Variants in CACNB2 observed in about 807,000 individuals in gnomAD.
CACNB2 encodes calcium voltage-gated channel auxiliary subunit beta 2.
In CACNB2, 42 loss-of-function variants were observed where a neutral mutation model predicts 73.3. The observed-to-expected ratio is 0.57, with a 90% confidence interval of 0.45 to 0.74. The LOEUF is 0.74. Among genes scored for constraint, CACNB2 ranks in the 30% least tolerant of loss-of-function variants. CACNB2 has a pLI of 0.00. For synonymous variants in CACNB2, 348 were observed against 310.3 expected (o/e 1.12, Z -1.28); for missense variants, 940 against 853.0 (o/e 1.10, Z -1.27).
At chr10:18,353,684 T>C (rs923911319) in intron 2 of CACNB2, among the ~76,000 whole-genome samples, 2 of 152,200 alleles carry the variant, frequency 1.3e-5, no homozygotes, top group African/African-American at 4.8e-5. Context: ...TTATGAACTA[T>C]TAGCATTTCT....
Position 18,534,213 on chromosome 10 carries a change from A to C in CACNB2, c.1192A>C (p.Ile398Leu). ...GGCCCCTATTATAGTATATGTAAAG[A>C]TTTCTTCTCCTAAGGTAAGTAGGAC... ...SLAPIIVYVK[I>L]SSPKVLQRLI... Residue 398 changes from isoleucine to leucine, a missense_variant, in exon 11 of 14, where the codon ATT (isoleucine) becomes CTT (leucine). Ile to Leu is a conservative substitution (Grantham distance 5). Transcript: ENST00000324631. 1 of 1,613,314 alleles carries C rather than the reference A, an allele frequency of 6.2e-7. No individual in the cohort carries two copies. The highest frequency in any genetic ancestry group is 8.5e-7 in the Non-Finnish European group (1 of 1,179,282).
chr10:18,498,694 T>C (rs751010796), intron 4 of CACNB2: 1 of 531,392 alleles, frequency 1.9e-6, no homozygotes, highest in Non-Finnish European at 3.4e-6. Flanking sequence ...ACTTCAGCGC[T>C]CCCTGGGGCT....
At chr10:18,331,457 T>TAAAA (rs559677087) in intron 2 of CACNB2, among the ~76,000 whole-genome samples, 3 of 138,460 alleles carry the variant, frequency 2.2e-5, no homozygotes, top group African/African-American at 5.3e-5. Flanking sequence ...GCATCTCATT[T>TAAAA]AAAAAAAAAA....
At chr10:18,396,773 ATT>A (rs943403711) in intron 2 of CACNB2, among the ~76,000 whole-genome samples, 1 of 151,996 alleles carries the variant, frequency 6.6e-6, no homozygotes, top group Non-Finnish European at 1.5e-5. Flanking sequence ...GCCTGGCCCC[ATT>A]TTGCTTTATT....
At chr10:18,531,085 T>C (rs563384899) in intron 10 of CACNB2, among the ~76,000 whole-genome samples, 281 of 152,344 alleles carry the variant, frequency 1.8e-3, no homozygotes, top group Middle Eastern at 6.8e-3. Context: ...ATTACACATA[T>C]GGCATTAAAT....
At chr10:18,175,098 G>C (rs1001575879) in intron 2 of CACNB2, among the ~76,000 whole-genome samples, 1 of 152,140 alleles carries the variant, frequency 6.6e-6, no homozygotes, top group Non-Finnish European at 1.5e-5. Flanking sequence ...CTATGGTCTT[G>C]TTTAAAAGTC....
intron 10 of CACNB2, among the ~76,000 whole-genome samples, chr10:18,528,894 C>T (rs2052729217): frequency 6.6e-6 from 1 of 152,174 alleles, no homozygotes; most frequent in Non-Finnish European, 1.5e-5. Flanking sequence ...GGCTGGAGTA[C>T]AGTGGTGTGG....
chr10:18,434,557 TATG>T (rs2046040372), intron 3 of CACNB2, among the ~76,000 whole-genome samples: 2 of 152,198 alleles, frequency 1.3e-5, no homozygotes, highest in African/African-American at 4.8e-5. Flanking sequence ...TAAAAATTAA[TATG>T]ATGATGATTA....
intron 11 of CACNB2, 91 bp downstream of exon 11, chr10:18,534,318 C>T (rs542826447): frequency 1.8e-6 from 2 of 1,099,188 alleles, no homozygotes; most frequent in Non-Finnish European, 1.4e-6. Flanking sequence ...ATTGTAATAG[C>T]CTTTATGATG....
chr10:18,266,128 C>T (rs927250888), intron 2 of CACNB2, among the ~76,000 whole-genome samples: 4 of 152,168 alleles, frequency 2.6e-5, no homozygotes, highest in African/African-American at 7.2e-5. Context: ...TTACATAGTT[C>T]TTCAAAGTTT....
At chr10:18,490,210 T>A (rs986413627) in intron 3 of CACNB2, among the ~76,000 whole-genome samples, 6 of 152,192 alleles carry the variant, frequency 3.9e-5, no homozygotes, top group Admixed American at 6.5e-5. Flanking sequence ...GATAAAGAGA[T>A]GCCACTCTTC....
At position 18,539,509 on chromosome 10, in the gene CACNB2, C is replaced by A. The variant is rs776532519; in HGVS notation, c.1768C>A (p.His590Asn). Residue 590 changes from histidine (H) to asparagine (N), a missense_variant, in exon 14 of 14, where the codon CAC becomes AAC. By Grantham distance (68) the His-to-Asn change is moderately conservative. Transcript: ENST00000324631. ...DHYASHRDHN[H>N]RDETHGSSDH... is the part of the protein sequence containing the mutation. ...CTATGCCTCACACCGTGACCACAAC[C>A]ACAGAGACGAGACCCACGGGAGCAG... 9.9e-6 allele frequency: 16 copies of A among 1,613,888 alleles called. No individual in the cohort carries two copies. Among genetic ancestry groups the A allele is most frequent in the Non-Finnish European group, 1.4e-5 (16 of 1,179,998 alleles).
chr10:18,225,273 G>T (rs535935587), intron 2 of CACNB2, among the ~76,000 whole-genome samples: 1 of 152,210 alleles, frequency 6.6e-6, no homozygotes, highest in African/African-American at 2.4e-5. Context: ...AGCCTGGAGA[G>T]ACAGGGCTAA....
intron 2 of CACNB2, among the ~76,000 whole-genome samples, chr10:18,367,735 A>G (rs1395352476): frequency 6.6e-6 from 1 of 152,216 alleles, no homozygotes; most frequent in Non-Finnish European, 1.5e-5. Flanking sequence ...CAAATAAAAG[A>G]TGAAGCTAAA....
At chr10:18,235,743 G>A (rs1039757259) in intron 2 of CACNB2, among the ~76,000 whole-genome samples, 6 of 152,150 alleles carry the variant, frequency 3.9e-5, no homozygotes, top group Non-Finnish European at 7.3e-5. Context: ...GTATGAGGAA[G>A]AGGGGCAATG....
At chr10:18,287,495 C>T (rs186997423) in intron 2 of CACNB2, among the ~76,000 whole-genome samples, 1 of 152,108 alleles carries the variant, frequency 6.6e-6, no homozygotes. Flanking sequence ...AACAAAAGCA[C>T]CAAAAAATGG....
chr10:18,539,293 G>C lies in CACNB2; in HGVS notation c.1552G>C (p.Glu518Gln). 1 of 1,613,896 alleles carries C rather than the reference G, an allele frequency of 6.2e-7. No homozygotes were observed. Among genetic ancestry groups the C allele is most frequent in the Non-Finnish European group, 8.5e-7 (1 of 1,179,960 alleles). Residue 518 changes from glutamate (E) to glutamine (Q), a missense_variant, in exon 14 of 14, where the codon GAA (glutamate) becomes CAA (glutamine). Coordinates refer to ENST00000324631, the MANE Select transcript of CACNB2 (RefSeq NM_201596.3). The part of the protein sequence containing the change: ...APIRSASQAE[E>Q]EPSVEPVKKS... ...TATCCGTTCTGCTTCCCAAGCTGAAGAAGAACCTAGTGTGGAACCAGTCAA... is the reference window on the plus strand; with the variant it reads ...TATCCGTTCTGCTTCCCAAGCTGAACAAGAACCTAGTGTGGAACCAGTCAA...
intron 2 of CACNB2, among the ~76,000 whole-genome samples, chr10:18,291,592 T>C (rs1365367205): frequency 6.6e-6 from 1 of 152,232 alleles, no homozygotes; most frequent in Non-Finnish European, 1.5e-5. Flanking sequence ...TCGCTGTTAC[T>C]TATGATATCT....
At chr10:18,223,711 A>T (rs974413419) in intron 2 of CACNB2, among the ~76,000 whole-genome samples, 10 of 152,168 alleles carry the variant, frequency 6.6e-5, no homozygotes, top group Non-Finnish European at 7.4e-5. Context: ...CACCAGATAC[A>T]ACCACTATTA....
Sources: gnomAD v4.1 joint callset for allele counts (sites outside exome capture counted in the v4.1 genomes callset) on GRCh38, gnomAD v4.1.1 for gene constraint, MANE v1.5 for transcripts, NCBI Gene and HGNC (gene_info 2026-07-23, HGNC 2026-07-21) for gene names.